The following ENAH variants were observed in gnomAD, a reference collection of about 807,000 sequenced individuals.
ENAH encodes protein enabled homolog.
ENAH carries 23 observed loss-of-function variants against 78.7 expected under a neutral mutation model. The observed-to-expected ratio is 0.29, with a 90% CI of 0.21 to 0.41. The LOEUF is 0.41. ENAH is among the 10% of genes least tolerant of loss of function. The pLI, the probability that ENAH is intolerant of heterozygous loss-of-function variation, is 1.00. For missense variants in ENAH, 544 were observed against 691.0 expected (o/e 0.79, Z 2.39); for synonymous variants, 226 against 241.0 (o/e 0.94, Z 0.58).
chr1:225,552,056 T>C (rs1212656127), intron 3 of ENAH, among the ~76,000 whole-genome samples: 1 of 151,642 alleles, frequency 6.6e-6, no homozygotes, highest in Admixed American at 6.6e-5. Context: ...CATATAATGT[T>C]GGGGTAGGGT....
chr1:225,622,951 A>G (rs1274920984), intron 1 of ENAH, among the ~76,000 whole-genome samples: 1 of 152,158 alleles, frequency 6.6e-6, no homozygotes, highest in Non-Finnish European at 1.5e-5. Context: ...ATAAGACATA[A>G]AGAGAAATCC....
At chr1:225,620,236 A>G (rs993940833) in intron 1 of ENAH, among the ~76,000 whole-genome samples, 1 of 151,984 alleles carries the variant, frequency 6.6e-6, no homozygotes, top group African/African-American at 2.4e-5. Context: ...TCGTCACTAG[A>G]AAAGTACCAG....
intron 10 of ENAH, 45 bp from the exon 11 acceptor site, chr1:225,508,062 CAG>C: frequency 8.1e-7 from 1 of 1,238,464 alleles, no homozygotes; most frequent in Non-Finnish European, 1.1e-6. Context: ...TAAATGCTTC[CAG>C]AGTTATTATA....
chr1:225,613,244 AC>A (rs1195623843), intron 1 of ENAH, among the ~76,000 whole-genome samples: 1 of 152,024 alleles, frequency 6.6e-6, no homozygotes, highest in Non-Finnish European at 1.5e-5. Context: ...TTCCGTGACC[AC>A]CCCAACCAAG....
intron 1 of ENAH, among the ~76,000 whole-genome samples, chr1:225,605,083 G>T (rs372483317): frequency 6.6e-6 from 1 of 151,972 alleles, no homozygotes. Flanking sequence ...CTTAAAGCAT[G>T]TAAAATGTTA....
rs115969747 is a variant in ENAH, at chr1:225,637,880, G to A, written c.5+14806C>T. Reference sequence around the variant, plus strand: ...CCAGGTTGCAGTGAGCTATGATCGCGCCACTGCATTTCAGCCTGTGTAACA... The same window carrying A: ...CCAGGTTGCAGTGAGCTATGATCGCACCACTGCATTTCAGCCTGTGTAACA... On this transcript the variant is annotated intron_variant, in intron 1 of 13. Coordinates refer to ENST00000366843, the MANE Select transcript of ENAH (RefSeq NM_018212.6). Among the ~76,000 whole-genome samples, 259 of 152,160 alleles carry A rather than the reference G, an allele frequency of 1.7e-3. 1 individual carries two copies. The highest frequency in any genetic ancestry group is 3.2e-3 in the Non-Finnish European group (217 of 68,002).
chr1:225,588,888 C>A (rs901197139), intron 1 of ENAH, among the ~76,000 whole-genome samples: 58 of 149,920 alleles, frequency 3.9e-4, no homozygotes, highest in African/African-American at 1.3e-3. Context: ...AAGTCAATTT[C>A]AATGTTAGGT....
chr1:225,633,285 C>T (rs1024501263), intron 1 of ENAH, among the ~76,000 whole-genome samples: 10 of 151,490 alleles, frequency 6.6e-5, no homozygotes, highest in Non-Finnish European at 1.0e-4. Context: ...CTCCTGACCT[C>T]GTGATCCACC....
At chr1:225,526,039 A>G (rs778392385) in intron 4 of ENAH, among the ~76,000 whole-genome samples, 10 of 152,158 alleles carry the variant, frequency 6.6e-5, no homozygotes, top group Admixed American at 2.6e-4. Context: ...ACAAAGGAAG[A>G]GTCTAGCAAA....
chr1:225,605,333 A>C (rs2096951280), intron 1 of ENAH, among the ~76,000 whole-genome samples: 1 of 152,176 alleles, frequency 6.6e-6, no homozygotes, highest in South Asian at 2.1e-4. Flanking sequence ...TAATATTTAG[A>C]AGTCAACTCG....
At chr1:225,549,293 A>T (rs1172200034) in intron 3 of ENAH, among the ~76,000 whole-genome samples, 2 of 152,208 alleles carry the variant, frequency 1.3e-5, no homozygotes, top group African/African-American at 2.4e-5. Context: ...GAAAGCATTA[A>T]TAAAGAACCG....
intron 1 of ENAH, among the ~76,000 whole-genome samples, chr1:225,634,125 G>A (rs1659617202): frequency 6.6e-6 from 1 of 151,948 alleles, no homozygotes; most frequent in Admixed American, 6.6e-5. Context: ...ATGATTTTTA[G>A]GATACAAACT....
intron 1 of ENAH, among the ~76,000 whole-genome samples, chr1:225,576,075 C>A (rs1045810059): frequency 6.6e-6 from 1 of 152,076 alleles, no homozygotes; most frequent in Non-Finnish European, 1.5e-5. Flanking sequence ...AGCTGTGCAG[C>A]CTGGGCAACA....
rs532412821 is a variant in ENAH, at chr1:225,534,529, G to C, written c.350-3891C>G. 7.2e-4 allele frequency among the ~76,000 whole-genome samples: 109 copies of C among 151,806 alleles called. 1 individual carries two copies. Among genetic ancestry groups the C allele is most frequent in the African/African-American group, 2.5e-3 (102 of 41,404 alleles). On this transcript the variant is annotated intron_variant, in intron 3 of 13. Coordinates refer to ENST00000366843, the MANE Select transcript of ENAH (RefSeq NM_018212.6). ...TAGGTAAAAAAAAACAGTATCATTAGTATTGAGGAGTCACATTAAAAATTC... is the reference window on the plus strand; with the variant it reads ...TAGGTAAAAAAAAACAGTATCATTACTATTGAGGAGTCACATTAAAAATTC...
At chr1:225,615,835 A>G (rs1384704356) in intron 1 of ENAH, among the ~76,000 whole-genome samples, 1 of 152,156 alleles carries the variant, frequency 6.6e-6, no homozygotes, top group African/African-American at 2.4e-5. Context: ...GGTGTACCCA[A>G]CAGCTCATTG....
At position 225,519,263 on chromosome 1, in the gene ENAH, T is replaced by C. The variant is rs199518908; in HGVS notation, c.737A>G (p.Glu246Gly). The change falls in exon 5 of 14, where the codon GAG (glutamate) becomes GGG (glycine). Residue 246 changes from glutamate (E) to glycine (G), a missense_variant. Glu to Gly is a moderately conservative substitution (Grantham distance 98). Coordinates refer to ENST00000366843, the MANE Select transcript of ENAH (RefSeq NM_018212.6). The part of the protein sequence containing the change: ...ERLERERQER[E>G]RQEQLEREQL... ...TTCCCTTTCTAACTGCTCTTGTCGC[T>C]CCCTTTCTTGCCTCTCCCGTTCCAG... 6.2e-7 allele frequency: 1 copy of C among 1,614,216 alleles called. No homozygotes were observed. The highest frequency in any genetic ancestry group is 8.5e-7 in the Non-Finnish European group (1 of 1,180,036).
Position 225,652,745 on chromosome 1 carries a change from G to A in ENAH, c.-55C>T, listed in dbSNP as rs910950124. On this transcript the variant is annotated 5_prime_UTR_variant, in exon 1 of 14. Coordinates refer to ENST00000366843, the MANE Select transcript of ENAH (RefSeq NM_018212.6). The stretch of plus-strand genomic sequence containing the variant: ...AGCCGGGAGACGCAGAAGGCGCCGA[G>A]CCGAGGGGGGGGTCTCTCCTCCAGG... The A allele has an allele frequency of 1.4e-4, 186 of 1,303,122 alleles. No individual in the cohort carries two copies. Among genetic ancestry groups the A allele is most frequent in the Non-Finnish European group, 1.7e-4 (175 of 1,028,222 alleles). The allele number at this position is 1,303,122 out of a possible 1,614,324, so 80.7% of individuals were successfully genotyped here.
At chr1:225,643,661 C>T (rs1395067545) in intron 1 of ENAH, among the ~76,000 whole-genome samples, 1 of 152,186 alleles carries the variant, frequency 6.6e-6, no homozygotes, top group Admixed American at 6.5e-5. Context: ...ACTGGCTGGA[C>T]ACAGCAGCTC....
At chr1:225,589,547 T>A (rs1274065826) in intron 1 of ENAH, among the ~76,000 whole-genome samples, 2 of 152,230 alleles carry the variant, frequency 1.3e-5, no homozygotes, top group African/African-American at 2.4e-5. Context: ...ATATAACCTA[T>A]ACACATCCTC....
Sources: gnomAD v4.1 joint callset for allele counts (sites outside exome capture counted in the v4.1 genomes callset) on GRCh38, gnomAD v4.1.1 for gene constraint, MANE v1.5 for transcripts, NCBI Gene and HGNC (gene_info 2026-07-23, HGNC 2026-07-21) for gene names.